Variants in GAS7 observed in about 807,000 individuals in gnomAD.
GAS7 encodes growth arrest specific 7.
In GAS7, 28 loss-of-function variants were observed where a neutral mutation model predicts 71.1. That is an observed-to-expected ratio of 0.39 (90% CI 0.29 to 0.54). The LOEUF is 0.54. GAS7 is among the 20% of genes least tolerant of loss of function. GAS7 has a pLI of 0.62. For synonymous variants in GAS7, 258 were observed against 245.8 expected (o/e 1.05, Z -0.46); for missense variants, 436 against 627.8 (o/e 0.69, Z 3.27).
rs114218117 is a variant in GAS7 at position 9,954,409 on chromosome 17, T to C, written c.525+4793A>G. Among the ~76,000 whole-genome samples the C allele has an allele frequency of 3.5e-3, 535 of 151,528 alleles. 2 individuals carry two copies. The highest frequency in any genetic ancestry group is 0.012 in the African/African-American group (511 of 41,232). ...TGGGGTGAGCACCCCCACTACAGCA[T>C]AGAGGATGCACTGGAGGGAGAACGT... On this transcript the variant is annotated intron_variant, in intron 5 of 13. Coordinates refer to ENST00000432992, the MANE Select transcript of GAS7 (RefSeq NM_201433.2).
chr17:10,023,956 T>C (rs1171163037), intron 1 of GAS7, among the ~76,000 whole-genome samples: 2 of 151,942 alleles, frequency 1.3e-5, no homozygotes, highest in Non-Finnish European at 2.9e-5. Context: ...AAACCCTGCA[T>C]CTACTAAAAA....
rs554638595 is a variant in GAS7 at position 10,181,131 on chromosome 17, G to A, written c.183+17077C>T. ...AATCCCAGCACTTTGGGAGGCCAAG[G>A]CGGGCACATCACGAGGTCAGGAGAT... On this transcript the variant is annotated intron_variant, in intron 1 of 13. Coordinates refer to ENST00000432992, the MANE Select transcript of GAS7 (RefSeq NM_201433.2). Among the ~76,000 whole-genome samples, 8 of 150,506 alleles carry A rather than the reference G, an allele frequency of 5.3e-5. No homozygotes were observed. In the East Asian group the frequency reaches 1.2e-3, roughly 22 times the overall value.
At chr17:10,018,441 C>A (rs923686542) in intron 2 of GAS7, among the ~76,000 whole-genome samples, 3 of 152,158 alleles carry the variant, frequency 2.0e-5, no homozygotes, top group Non-Finnish European at 4.4e-5. Context: ...ATCCTACGGT[C>A]CAAATTCTGT....
At chr17:9,993,495 A>G (rs1490798854) in intron 2 of GAS7, among the ~76,000 whole-genome samples, 1 of 152,038 alleles carries the variant, frequency 6.6e-6, no homozygotes, top group Non-Finnish European at 1.5e-5. Flanking sequence ...CATGCTAGAA[A>G]CCCTCAATAA....
chr17:10,038,128 C>T (rs575607013), intron 1 of GAS7, among the ~76,000 whole-genome samples: 12 of 151,632 alleles, frequency 7.9e-5, no homozygotes, highest in Admixed American at 1.3e-4. Flanking sequence ...GAGGCCAAGA[C>T]GGGTGGATCA....
chr17:10,072,482 C>T (rs928141195), intron 1 of GAS7, among the ~76,000 whole-genome samples: 6 of 152,206 alleles, frequency 3.9e-5, no homozygotes, highest in Non-Finnish European at 7.3e-5. Context: ...AAGGACAAAG[C>T]TCCTGAAGGC....
chr17:10,183,655 C>T (rs1567624264), intron 1 of GAS7, among the ~76,000 whole-genome samples: 1 of 152,100 alleles, frequency 6.6e-6, no homozygotes, highest in South Asian at 2.1e-4. Flanking sequence ...CTGGCTAACA[C>T]GGTGAAACCC....
rs2067710148 is a variant in GAS7 at position 9,919,359 on chromosome 17, C to G, written c.1218+267G>C. ...TAGTTGAGGAGAGTCCTCAGTTGAC[C>G]CTGACCTCTCAGGGGACAGCCCAAG... is the stretch of plus-strand genomic sequence containing the variant. On this transcript the variant is annotated intron_variant, in intron 12 of 13. Transcript: ENST00000432992. The surrounding 1 kb of genome is among the most constrained non-coding windows in gnomAD (Gnocchi z 5.0). 1.3e-5 allele frequency among the ~76,000 whole-genome samples: 2 copies of G among 152,100 alleles called. No individual in the cohort carries two copies. The highest frequency in any genetic ancestry group is 4.8e-5 in the African/African-American group (2 of 41,430).
intron 2 of GAS7, among the ~76,000 whole-genome samples, chr17:10,015,120 A>T (rs2071940355): frequency 6.6e-6 from 1 of 151,812 alleles, no homozygotes; most frequent in South Asian, 2.1e-4. Flanking sequence ...GCACCACTGC[A>T]CTCCAGTCTG....
intron 1 of GAS7, among the ~76,000 whole-genome samples, chr17:10,093,051 T>G (rs916981435): frequency 6.6e-6 from 1 of 152,242 alleles, no homozygotes; most frequent in African/African-American, 2.4e-5. Context: ...AGCCAGTCTT[T>G]AGTCCACCAT....
At chr17:9,925,200 G>A (rs776806747) in intron 11 of GAS7, among the ~76,000 whole-genome samples, 3 of 149,110 alleles carry the variant, frequency 2.0e-5, no homozygotes, top group East Asian at 2.0e-4. Context: ...AAAAAGCCAC[G>A]ACCAGGGAGA....
At position 10,029,440 on chromosome 17, in the gene GAS7, A is replaced by C. The variant is rs74489060; in HGVS notation, c.184-9543T>G. Among the ~76,000 whole-genome samples the C allele has an allele frequency of 7.3e-3, 1,107 of 152,364 alleles. 39 individuals are homozygous for C. The East Asian group carries it at 0.12, about 16-fold the overall frequency. Reference sequence around the variant, plus strand: ...AGGATCCAGGCTGAACGCTGAAAGCAGCTTACAGAAATGCATACGTAATTA... The same window carrying C: ...AGGATCCAGGCTGAACGCTGAAAGCCGCTTACAGAAATGCATACGTAATTA... On this transcript the variant is annotated intron_variant, in intron 1 of 13. Transcript: ENST00000432992.
intron 1 of GAS7, among the ~76,000 whole-genome samples, chr17:10,157,552 T>A (rs372473260): frequency 6.6e-6 from 1 of 152,376 alleles, no homozygotes; most frequent in East Asian, 1.9e-4. Flanking sequence ...GCATCATGCT[T>A]GGAAATTTCA....
chr17:10,154,593 A>G (rs1168163479), intron 1 of GAS7, among the ~76,000 whole-genome samples: 1 of 152,048 alleles, frequency 6.6e-6, no homozygotes, highest in African/African-American at 2.4e-5. Context: ...CCAGAGGATC[A>G]CTTGAGGCCA....
chr17:10,066,909 G>C (rs2073287275), intron 1 of GAS7, among the ~76,000 whole-genome samples: 1 of 152,138 alleles, frequency 6.6e-6, no homozygotes, highest in African/African-American at 2.4e-5. Flanking sequence ...CCCAGGACAA[G>C]TTGCTTGATC....
At chr17:10,015,163 A>C (rs1420195134) in intron 2 of GAS7, among the ~76,000 whole-genome samples, 1 of 99,772 alleles carries the variant, frequency 1.0e-5, no homozygotes, top group Non-Finnish European at 1.9e-5. Flanking sequence ...CAAAAAAAAA[A>C]GAAAAGAAAA....
intron 2 of GAS7, among the ~76,000 whole-genome samples, chr17:10,008,608 C>G (rs1486723385): frequency 2.0e-5 from 3 of 152,118 alleles, no homozygotes; most frequent in African/African-American, 7.2e-5. Flanking sequence ...GTAAGTATTA[C>G]CTAAACATTA....
At chr17:9,973,553 T>C (rs1597586971) in intron 3 of GAS7, among the ~76,000 whole-genome samples, 2 of 152,176 alleles carry the variant, frequency 1.3e-5, no homozygotes, top group Admixed American at 6.5e-5. Flanking sequence ...CGTGCTGTAC[T>C]TATAGTAGAA....
chr17:9,968,991 T>G (rs2069839349), intron 4 of GAS7, among the ~76,000 whole-genome samples: 1 of 152,200 alleles, frequency 6.6e-6, no homozygotes, highest in African/African-American at 2.4e-5. Context: ...AGTCCTCAGT[T>G]TTTTAGGCAC....
Sources: gnomAD v4.1 joint callset for allele counts (sites outside exome capture counted in the v4.1 genomes callset) on GRCh38, gnomAD v4.1.1 for gene constraint, Gnocchi (gnomAD v3.1) non-coding constraint, MANE v1.5 for transcripts, NCBI Gene and HGNC (gene_info 2026-07-23, HGNC 2026-07-21) for gene names.